KCTD17: variants seen among roughly 807,000 people sequenced by gnomAD.
The protein encoded by KCTD17 is BTB/POZ domain-containing protein KCTD17.
KCTD17 carries 20 observed loss-of-function variants against 41.5 expected under a neutral mutation model. The ratio of observed to expected loss-of-function variants is 0.48; its 90% CI spans 0.34 to 0.70. KCTD17 has a LOEUF of 0.70. Among genes scored for constraint, KCTD17 ranks in the 30% least tolerant of loss-of-function variants. The pLI is 0.01. For synonymous variants in KCTD17, 156 were observed against 173.8 expected, an observed-to-expected ratio of 0.90 and a Z score of 0.80; for missense variants, 317 against 427.2, an observed-to-expected ratio of 0.74 and a Z score of 2.27.
chr22:37,059,752 CTG>C (rs1925562148), intron 5 of KCTD17, among the ~76,000 whole-genome samples: 1 of 152,218 alleles, frequency 6.6e-6, no homozygotes, highest in Non-Finnish European at 1.5e-5. Context: ...GTGGCACTCT[CTG>C]TGTGACTTAG....
intron 2 of KCTD17, among the ~76,000 whole-genome samples, chr22:37,054,495 A>AG (rs1924865738): frequency 6.6e-6 from 1 of 151,320 alleles, no homozygotes; most frequent in African/African-American, 2.4e-5. Context: ...TCCGGGGGCT[A>AG]GGGGATCACG....
rs1601482600 is a variant in KCTD17, at chr22:37,053,546, C to T, written c.298+338C>T. Among the ~76,000 whole-genome samples, 1 of 152,172 alleles carries T rather than the reference C, an allele frequency of 6.6e-6. No homozygotes were observed. Among genetic ancestry groups the T allele is most frequent in the East Asian group, 1.9e-4 (1 of 5,194 alleles). ...GGAAGCCAGGTGTGGACGGTCACAT[C>T]CGGAGGCTGGGGTGACAGGAATGCA... On this transcript the variant is annotated intron_variant, in intron 2 of 8. Transcript: ENST00000403888. This position sits in a 1 kb window ranked among gnomAD's most constrained non-coding sequence, Gnocchi z 4.1.
rs1416097388 is a variant in KCTD17, at chr22:37,059,331, T to C, written c.505T>C (p.Ser169Pro). ...RFEQLVNIGS[S>P]YNYGSEDQAE... ...CCTCTAGCTGGTGAACATCGGCTCC[T>C]CCTACAACTACGGCAGCGAGGACCA... Residue 169 changes from serine to proline, a missense_variant, in exon 5 of 9, where the codon TCC becomes CCC. Ser to Pro is a moderately conservative substitution (Grantham distance 74). Coordinates refer to ENST00000403888, the MANE Select transcript of KCTD17 (RefSeq NM_001282684.2). The C allele has an allele frequency of 1.9e-6, 3 of 1,613,086 alleles. No homozygotes were observed. Among genetic ancestry groups the C allele is most frequent in the Admixed American group, 3.3e-5 (2 of 60,008 alleles).
Position 37,061,029 on chromosome 22 carries a change from G to A in KCTD17, c.713-75G>A, listed in dbSNP as rs2145995337. 1 of 1,549,694 alleles carries A rather than the reference G, an allele frequency of 6.5e-7. No individual in the cohort carries two copies. The highest frequency in any genetic ancestry group is 8.7e-7 in the Non-Finnish European group (1 of 1,145,550). ...CGGGGGCCCCGGGGCTGCTGGGGGG[G>A]CACCAGGGTTAGCTCAGCCACTTGC... On this transcript the variant is annotated intron_variant, in intron 6 of 8. Transcript: ENST00000403888. This position sits in a 1 kb window ranked among gnomAD's most constrained non-coding sequence, Gnocchi z 6.6.
chr22:37,059,482 CT>C (rs1225620147), intron 5 of KCTD17, 44 bp downstream of exon 5: 17 of 1,566,696 alleles, frequency 1.1e-5, no homozygotes, highest in Non-Finnish European at 1.5e-5. Context: ...AGTCTCCTGT[CT>C]CCCTCCACCC....
Position 37,051,943 on chromosome 22 carries a change from G to GGACCGGGTGAGGC in KCTD17, c.184_189+7dup. The GGACCGGGTGAGGC allele has an allele frequency of 6.7e-7, 1 of 1,485,384 alleles. No individual in the cohort carries two copies. The highest frequency in any genetic ancestry group is 9.0e-7 in the Non-Finnish European group (1 of 1,117,104). 92.0% of individuals were successfully genotyped at this position (1,485,384 alleles called of 1,614,324 possible). A position where few individuals can be genotyped will look rare whatever the true frequency, so the allele number is the denominator to read the frequency against. On this transcript the variant is annotated frameshift_variant, in exon 1 of 9. Coordinates refer to ENST00000403888, the MANE Select transcript of KCTD17 (RefSeq NM_001282684.2). LOFTEE classifies it high-confidence loss of function. ...TGTGCCAGGGGGAAGAGCTGCAGTC[G>GGACCGGGTGAGGC]GACCGGGTGAGGCCCCCGGGGTGGG... is the stretch of plus-strand genomic sequence containing the variant.
rs529895350 is a variant in KCTD17, at chr22:37,057,311, C to T, written c.391-87C>T. ...CCTCTCTTCTTCTTTGGGTATGTTG[C>T]GGGGGTGGTGGCAGCAGGTGCTCAT... is the stretch of plus-strand genomic sequence containing the variant. On this transcript the variant is annotated intron_variant, in intron 3 of 8. Transcript: ENST00000403888. 99 of 964,260 alleles carry T rather than the reference C, an allele frequency of 1.0e-4. 1 individual carries two copies. Among genetic ancestry groups the T allele is most frequent in the South Asian group, 2.1e-4 (16 of 75,050 alleles). 59.7% of individuals were successfully genotyped at this position (964,260 alleles called of 1,614,324 possible). A position where few individuals can be genotyped will look rare whatever the true frequency, so the allele number is the denominator to read the frequency against.
At chr22:37,055,519 A>ATT (rs1350215367) in intron 2 of KCTD17, among the ~76,000 whole-genome samples, 1 of 152,210 alleles carries the variant, frequency 6.6e-6, no homozygotes, top group Non-Finnish European at 1.5e-5. Context: ...CCAGTCAAGG[A>ATT]AAGGGCCCAA....
chr22:37,052,365 C>T (rs1924593871), intron 1 of KCTD17: 1 of 379,964 alleles, frequency 2.6e-6, no homozygotes, highest in South Asian at 1.9e-5. Flanking sequence ...TGGAGGAGCC[C>T]TGGGGCGCCT....
chr22:37,052,639 T>A (rs777258312), intron 1 of KCTD17: 5 of 470,662 alleles, frequency 1.1e-5, no homozygotes, highest in South Asian at 7.7e-5. Context: ...CTCTGTAGAG[T>A]CGCATGGAAG....
In KCTD17 at chr22:37,055,924, G is replaced by A. The variant is rs147250087; in HGVS notation, c.299-396G>A. ...AGTTCTGAGAATTCAAAAATGTAAT[G>A]CACCTGGCACTTAGAATGTGCTTAA... is the stretch of plus-strand genomic sequence containing the variant. On this transcript the variant is annotated intron_variant, in intron 2 of 8. Coordinates refer to ENST00000403888, the MANE Select transcript of KCTD17 (RefSeq NM_001282684.2). Among the ~76,000 whole-genome samples, 942 of 152,334 alleles carry A rather than the reference G, an allele frequency of 6.2e-3. 2 individuals are homozygous for A. Among genetic ancestry groups the A allele is most frequent in the Non-Finnish European group, 9.5e-3 (643 of 68,036 alleles).
chr22:37,056,994 GA>G (rs1925203367), intron 3 of KCTD17, among the ~76,000 whole-genome samples: 1 of 152,142 alleles, frequency 6.6e-6, no homozygotes, highest in African/African-American at 2.4e-5. Context: ...GGGGATTAAA[GA>G]GGGGAGGCTC....
At chr22:37,052,022 G>A in intron 1 of KCTD17, 73 bp downstream of exon 1, 4 of 1,284,008 alleles carry the variant, frequency 3.1e-6, no homozygotes, top group Non-Finnish European at 3.9e-6. Flanking sequence ...GTCGGGCCTG[G>A]CTCGCCCGCC....
At chr22:37,062,278 G>A (rs1229775057) in intron 8 of KCTD17, 8 of 985,196 alleles carry the variant, frequency 8.1e-6, no homozygotes, top group Non-Finnish European at 9.6e-6. Context: ...ACGGGGCATG[G>A]GGCTCCTGGA....
chr22:37,059,148 C>T (rs1925474736), intron 4 of KCTD17, among the ~76,000 whole-genome samples, 165 bp from the exon 5 acceptor site: 2 of 152,168 alleles, frequency 1.3e-5, no homozygotes, highest in Admixed American at 1.3e-4. Context: ...GAAGACTCCA[C>T]CTTCCTGCCC....
chr22:37,054,304 C>T (rs778374017), intron 2 of KCTD17, among the ~76,000 whole-genome samples: 3 of 152,192 alleles, frequency 2.0e-5, no homozygotes, highest in Non-Finnish European at 4.4e-5. Context: ...GCGTCGCAGC[C>T]AGCACCTGTT....
intron 3 of KCTD17, 97 bp from the exon 4 acceptor site, chr22:37,057,301 G>T: frequency 1.1e-6 from 1 of 883,462 alleles, no homozygotes; most frequent in South Asian, 1.4e-5. Context: ...CTTCTTCTTT[G>T]GGTATGTTGC....
chr22:37,061,033 C>G lies in KCTD17; in HGVS notation c.713-71C>G. The stretch of plus-strand genomic sequence containing the variant: ...GGCCCCGGGGCTGCTGGGGGGGCAC[C>G]AGGGTTAGCTCAGCCACTTGCCTGG... On this transcript the variant is annotated intron_variant, in intron 6 of 8. Transcript: ENST00000403888. The surrounding 1 kb of genome is among the most constrained non-coding windows in gnomAD (Gnocchi z 6.6). 1 of 1,550,226 alleles carries G rather than the reference C, an allele frequency of 6.5e-7. No individual in the cohort carries two copies. Among genetic ancestry groups the G allele is most frequent in the South Asian group, 1.2e-5 (1 of 84,008 alleles).
chr22:37,060,149 C>T (rs1925602564), intron 5 of KCTD17, among the ~76,000 whole-genome samples: 1 of 152,196 alleles, frequency 6.6e-6, no homozygotes, highest in Admixed American at 6.5e-5. Flanking sequence ...TCCCAAGGGC[C>T]TTCGCAGAGC....
Sources: allele counts gnomAD v4.1 joint callset (sites outside exome capture counted in the v4.1 genomes callset), GRCh38; gene constraint gnomAD v4.1.1; non-coding constraint Gnocchi (gnomAD v3.1); transcripts MANE v1.5; gene names NCBI Gene and HGNC (gene_info 2026-07-23, HGNC 2026-07-21).